The following KHDRBS2 variants were observed in gnomAD, a reference collection of about 807,000 sequenced individuals.
KHDRBS2 encodes KH RNA binding domain containing, signal transduction associated 2.
Under a neutral mutation model 44.3 loss-of-function variants are expected in KHDRBS2, and 26 were observed. The observed-to-expected ratio is 0.59, with a 90% CI of 0.43 to 0.81. The LOEUF is 0.81. Among genes scored for constraint, KHDRBS2 ranks in the 40% least tolerant of loss-of-function variants. The pLI, the probability that KHDRBS2 is intolerant of heterozygous loss-of-function variation, is 0.00. For synonymous variants in KHDRBS2, 194 were observed against 151.1 expected, an observed-to-expected ratio of 1.28 and a Z score of -2.08; for missense variants, 476 against 433.1, an observed-to-expected ratio of 1.10 and a Z score of -0.88.
Position 61,970,132 on chromosome 6 carries a change from A to G in KHDRBS2, c.483+7934T>C, listed in dbSNP as rs544644205. Among the ~76,000 whole-genome samples, 234 of 152,144 alleles carry G rather than the reference A, an allele frequency of 1.5e-3. 7 individuals carry two copies. In the South Asian group the frequency reaches 0.045, roughly 29 times the overall value. On this transcript the variant is annotated intron_variant, in intron 4 of 8. Coordinates refer to ENST00000281156, the MANE Select transcript of KHDRBS2 (RefSeq NM_152688.4). ...ATAAGTGATTGTCTTCTCTCTATATATGTGTGTATCTATATATAATATCAT... is the reference window on the plus strand; with the variant it reads ...ATAAGTGATTGTCTTCTCTCTATATGTGTGTGTATCTATATATAATATCAT...
At chr6:62,257,116 G>T (rs1035678456) in intron 1 of KHDRBS2, among the ~76,000 whole-genome samples, 2 of 152,018 alleles carry the variant, frequency 1.3e-5, no homozygotes, top group Non-Finnish European at 2.9e-5. Flanking sequence ...CTTTTTCCAA[G>T]GTAAATTAAG....
chr6:61,636,062 A>G, the KHDRBS2 span, among the ~76,000 whole-genome samples: 1 of 152,054 alleles, frequency 6.6e-6, no homozygotes, highest in Non-Finnish European at 1.5e-5. Flanking sequence ...TACATATTCC[A>G]CAATATTCCG....
chr6:62,118,900 T>A (rs1349160628), intron 2 of KHDRBS2, among the ~76,000 whole-genome samples: 1 of 152,176 alleles, frequency 6.6e-6, no homozygotes, highest in Non-Finnish European at 1.5e-5. Flanking sequence ...GTTTTGGGAC[T>A]CAGACTGGCT....
At chr6:61,815,235 G>A (rs774141166) in intron 6 of KHDRBS2, among the ~76,000 whole-genome samples, 1 of 151,974 alleles carries the variant, frequency 6.6e-6, no homozygotes. Flanking sequence ...TATGCTAGAC[G>A]AAGGGATGAT....
At chr6:61,657,733 T>A in the KHDRBS2 span, among the ~76,000 whole-genome samples, 2 of 151,956 alleles carry the variant, frequency 1.3e-5, no homozygotes, top group Non-Finnish European at 2.9e-5. Context: ...GCTGTGGGCA[T>A]AAACTTAGAA....
At chr6:61,678,485 A>G (rs1766069669), downstream of KHDRBS2, among the ~76,000 whole-genome samples, 1 of 151,960 alleles carries the variant, frequency 6.6e-6, no homozygotes, top group Non-Finnish European at 1.5e-5. Context: ...ATAGGTAAGG[A>G]GTTGGTCAGG....
At chr6:62,056,298 A>G (rs2127319765) in intron 2 of KHDRBS2, among the ~76,000 whole-genome samples, 1 of 151,862 alleles carries the variant, frequency 6.6e-6, no homozygotes, top group South Asian at 2.1e-4. Flanking sequence ...TTTTTGATTG[A>G]AAATTCATCT....
intron 4 of KHDRBS2, among the ~76,000 whole-genome samples, chr6:61,952,434 G>A (rs1213071523): frequency 6.6e-6 from 1 of 151,916 alleles, no homozygotes; most frequent in African/African-American, 2.4e-5. Flanking sequence ...TTCCCAGTTT[G>A]GACATTTAGA....
At chr6:62,178,527 C>G (rs573218650) in intron 1 of KHDRBS2, among the ~76,000 whole-genome samples, 2 of 151,492 alleles carry the variant, frequency 1.3e-5, no homozygotes, top group South Asian at 2.1e-4. Flanking sequence ...TATGCAAAAT[C>G]AATCACAGCA....
At chr6:62,114,982 A>G (rs533645508) in intron 2 of KHDRBS2, among the ~76,000 whole-genome samples, 2 of 152,286 alleles carry the variant, frequency 1.3e-5, no homozygotes, top group South Asian at 4.1e-4. Context: ...TTGTCGGCGT[A>G]AATATTTAAC....
intron 4 of KHDRBS2, among the ~76,000 whole-genome samples, chr6:61,958,027 T>C (rs1439405963): frequency 1.3e-5 from 2 of 152,156 alleles, no homozygotes; most frequent in Non-Finnish European, 2.9e-5. Context: ...TTTTGCCCTA[T>C]AATCATCATT....
intron 2 of KHDRBS2, among the ~76,000 whole-genome samples, chr6:62,061,156 G>A (rs1173192378): frequency 1.3e-5 from 2 of 151,688 alleles, no homozygotes; most frequent in African/African-American, 4.8e-5. Context: ...TTTAATTGGA[G>A]CATTTAGTCC....
At chr6:61,691,126 C>T (rs919634936) in intron 8 of KHDRBS2, among the ~76,000 whole-genome samples, 1 of 152,016 alleles carries the variant, frequency 6.6e-6, no homozygotes, top group Non-Finnish European at 1.5e-5. Flanking sequence ...AATGTGTAAT[C>T]ACGGTTAATA....
intron 6 of KHDRBS2, among the ~76,000 whole-genome samples, chr6:61,770,999 T>C (rs1780792796): frequency 6.6e-6 from 1 of 152,140 alleles, no homozygotes; most frequent in African/African-American, 2.4e-5. Flanking sequence ...TGGCAGAAAC[T>C]CTACAAGCCA....
intron 6 of KHDRBS2, among the ~76,000 whole-genome samples, chr6:61,781,271 T>C (rs181292282): frequency 1.1e-3 from 166 of 152,280 alleles, no homozygotes; most frequent in African/African-American, 3.9e-3. Context: ...CATATTTATA[T>C]GTAATGGTTT....
chr6:61,693,297 A>T (rs932111942), intron 8 of KHDRBS2, among the ~76,000 whole-genome samples: 5 of 152,134 alleles, frequency 3.3e-5, no homozygotes, highest in African/African-American at 1.2e-4. Context: ...AATACCTAAT[A>T]TCCTACTACA....
At chr6:61,811,464 T>C (rs780798011) in intron 6 of KHDRBS2, among the ~76,000 whole-genome samples, 4 of 152,144 alleles carry the variant, frequency 2.6e-5, no homozygotes, top group African/African-American at 9.6e-5. Flanking sequence ...TGGGTATATA[T>C]CCAGTAATAG....
At chr6:61,559,043 G>GTC in the KHDRBS2 span, among the ~76,000 whole-genome samples, 31 of 151,012 alleles carry the variant, frequency 2.1e-4, no homozygotes, top group African/African-American at 3.4e-4. Flanking sequence ...TTATGATGGG[G>GTC]TCTCTCTCTC....
chr6:62,229,453 C>G (rs1429649209), intron 1 of KHDRBS2, among the ~76,000 whole-genome samples: 1 of 152,122 alleles, frequency 6.6e-6, no homozygotes, highest in Non-Finnish European at 1.5e-5. Context: ...AGCTATCAGT[C>G]CCAGTGTTGG....
Sources: allele counts gnomAD v4.1 joint callset (sites outside exome capture counted in the v4.1 genomes callset), GRCh38; gene constraint gnomAD v4.1.1; transcripts MANE v1.5; gene names NCBI Gene and HGNC (gene_info 2026-07-23, HGNC 2026-07-21).